IPP: variants seen among roughly 807,000 people sequenced by gnomAD.
IPP encodes the protein actin-binding protein IPP.
In IPP, 41 loss-of-function variants were observed where a neutral mutation model predicts 64.1. That is an observed-to-expected ratio of 0.64 (90% CI 0.50 to 0.83). The LOEUF (loss-of-function observed/expected upper bound fraction) is 0.83. Among genes scored for constraint, IPP ranks in the 40% least tolerant of loss-of-function variants. IPP has a pLI of 0.00. For synonymous variants in IPP, 214 were observed against 235.2 expected (o/e 0.91, Z 0.83); for missense variants, 649 against 703.0 (o/e 0.92, Z 0.87).
Position 45,698,750 on chromosome 1 carries a change from A to C in IPP, c.*1216T>G. On this transcript the variant is annotated 3_prime_UTR_variant, in exon 9 of 9. Transcript: ENST00000396478. ...TTTTTTTTTTTTGAGACAGGTTCTC[A>C]TGCTGTCACCCAGGCCGGTGTGCAG... The C allele has an allele frequency of 2.6e-6, 2 of 759,888 alleles. No homozygotes were observed. The allele number at this position is 759,888 out of a possible 1,614,324, so 47.1% of individuals were successfully genotyped here. A position where few individuals can be genotyped will look rare whatever the true frequency, so the allele number is the denominator to read the frequency against.
chr1:45,714,536 T>C, intron 7 of IPP, 70 bp from the exon 8 acceptor site: 1 of 887,756 alleles, frequency 1.1e-6, no homozygotes. Flanking sequence ...AAGTAATGAT[T>C]GTGATCTATG....
intron 1 of IPP, among the ~76,000 whole-genome samples, chr1:45,749,381 G>C (rs1403511806): frequency 1.3e-5 from 2 of 152,160 alleles, no homozygotes; most frequent in Non-Finnish European, 2.9e-5. Flanking sequence ...CTGTGACGTT[G>C]CATGCCTCAC....
At chr1:45,711,753 C>CAA (rs751563608) in intron 8 of IPP, among the ~76,000 whole-genome samples, 10 of 53,466 alleles carry the variant, frequency 1.9e-4, no homozygotes, top group Non-Finnish European at 2.3e-4. Flanking sequence ...GACTCTGTCA[C>CAA]AAAAAAAAAA....
intron 5 of IPP, among the ~76,000 whole-genome samples, chr1:45,724,276 A>C (rs1645775187): frequency 6.6e-6 from 1 of 151,646 alleles, no homozygotes; most frequent in Non-Finnish European, 1.5e-5. Context: ...AGTCTCGTTC[A>C]CTCAGTGCTC....
chr1:45,720,263 T>C (rs755957825), intron 5 of IPP, among the ~76,000 whole-genome samples: 6 of 152,134 alleles, frequency 3.9e-5, no homozygotes, highest in Non-Finnish European at 8.8e-5. Context: ...TAAAATAAGA[T>C]ATTTAGGAGT....
At chr1:45,744,529 C>T (rs1199628302) in intron 2 of IPP, among the ~76,000 whole-genome samples, 1 of 152,052 alleles carries the variant, frequency 6.6e-6, no homozygotes, top group Non-Finnish European at 1.5e-5. Flanking sequence ...ACAAGCCACA[C>T]ACCCAGCTAA....
rs1387870869 is a variant in IPP at position 45,714,320 on chromosome 1, A to G, written c.1456T>C (p.Cys486Arg). 6 of 1,614,068 alleles carry G rather than the reference A, an allele frequency of 3.7e-6. No homozygotes were observed. In the South Asian group the frequency reaches 6.6e-5, roughly 18 times the overall value. ...AYLGVAALND[C>R]IYSVGGWNET... ...TTCCATCCTCCAACAGAATAGATGC[A>G]GTCATTGAGTGCAGCCACACCAAGA... Residue 486 changes from cysteine to arginine, a missense_variant, in exon 8 of 9, where the codon TGC becomes CGC. Physicochemically the swap from Cys to Arg is radical, Grantham distance 180. Coordinates refer to ENST00000396478, the MANE Select transcript of IPP (RefSeq NM_005897.3).
chr1:45,745,267 T>A (rs1315593965), intron 2 of IPP, among the ~76,000 whole-genome samples: 2 of 152,164 alleles, frequency 1.3e-5, no homozygotes, highest in African/African-American at 4.8e-5. Flanking sequence ...AAATAACATA[T>A]GCTGATTATA....
Position 45,716,950 on chromosome 1 carries a change from T to G in IPP, c.1254A>C (p.Glu418Asp). The change falls in exon 7 of 9, where the codon GAA (glutamate) becomes GAC (aspartate). Residue 418 changes from glutamate to aspartate, a missense_variant. Physicochemically the swap from Glu to Asp is conservative, Grantham distance 45 (BLOSUM62 2). Coordinates refer to ENST00000396478, the MANE Select transcript of IPP (RefSeq NM_005897.3). The stretch of plus-strand genomic sequence containing the variant: ...GTGACACAGCCATGTTACCAACTAC[T>G]TCCCATTTATTTTCATCAGGATCAA... ...ERFDPDENKW[E>D]VVGNMAVSRY... 6 of 1,612,988 alleles carry G rather than the reference T, an allele frequency of 3.7e-6. No homozygotes were observed. The highest frequency in any genetic ancestry group is 1.3e-5 in the African/African-American group (1 of 75,018).
At position 45,699,218 on chromosome 1, in the gene IPP, A is replaced by G. The variant is rs1489606511; in HGVS notation, c.*748T>C. The G allele has an allele frequency of 1.0e-6, 1 of 985,226 alleles. No individual in the cohort carries two copies. Among genetic ancestry groups the G allele is most frequent in the Non-Finnish European group, 1.2e-6 (1 of 829,874 alleles). 61.0% of individuals were successfully genotyped at this position (985,226 alleles called of 1,614,324 possible). A position where few individuals can be genotyped will look rare whatever the true frequency, so the allele number is the denominator to read the frequency against. On this transcript the variant is annotated 3_prime_UTR_variant, in exon 9 of 9. Transcript: ENST00000396478. ...TATTAAAATAGCTAGATATTTCCCA[A>G]ACACCCCTCCTAGGATATCTGCTGC...
intron 3 of IPP, among the ~76,000 whole-genome samples, chr1:45,733,432 CATAA>C (rs376977849): frequency 5.6e-4 from 81 of 145,658 alleles, no homozygotes; most frequent in African/African-American, 6.6e-4. Context: ...CTCAAAAAAA[CATAA>C]ATAAATAAAT....
intron 8 of IPP, among the ~76,000 whole-genome samples, chr1:45,713,503 T>C (rs1645618195): frequency 6.6e-6 from 1 of 151,500 alleles, no homozygotes; most frequent in Non-Finnish European, 1.5e-5. Flanking sequence ...GAGGTTGTGG[T>C]GAGGTGAGAT....
Position 45,700,128 on chromosome 1 carries a change from G to A in IPP, c.1593C>T (p.Val531=), listed in dbSNP as rs145241981. 8.6e-5 allele frequency: 139 copies of A among 1,613,642 alleles called. No homozygotes were observed. The highest frequency in any genetic ancestry group is 1.0e-4 in the Non-Finnish European group (120 of 1,180,002). The change falls in exon 9 of 9, where the codon GTC becomes GTT. Residue 531 remains valine, a synonymous_variant. Transcript: ENST00000396478. ...CTCCAGAAACATACAGAAGACCATT[G>A]ACTGCCACAACACACATGCCTGCTC... is the stretch of plus-strand genomic sequence containing the variant. The part of the protein sequence containing the change: ...VPRAGMCVVA[V]NGLLYVSGGR...
At chr1:45,706,342 G>A (rs941951801) in intron 8 of IPP, among the ~76,000 whole-genome samples, 2 of 152,150 alleles carry the variant, frequency 1.3e-5, no homozygotes, top group Admixed American at 6.5e-5. Context: ...GCATGTATCT[G>A]TAGTCCCAGC....
chr1:45,721,075 T>C (rs1468898347), intron 5 of IPP, among the ~76,000 whole-genome samples: 3 of 152,232 alleles, frequency 2.0e-5, no homozygotes, highest in Non-Finnish European at 2.9e-5. Context: ...AAGATACTTA[T>C]AGCACATATG....
intron 2 of IPP, among the ~76,000 whole-genome samples, chr1:45,745,802 T>A (rs1022478090): frequency 3.3e-5 from 5 of 151,778 alleles, no homozygotes; most frequent in Non-Finnish European, 5.9e-5. Flanking sequence ...GAGGCAGAGG[T>A]TGCCATGAGC....
chr1:45,744,454 G>A (rs1281658314), intron 2 of IPP, among the ~76,000 whole-genome samples: 1 of 152,010 alleles, frequency 6.6e-6, no homozygotes, highest in Non-Finnish European at 1.5e-5. Context: ...CTTGATCATA[G>A]CTCACTGCAG....
chr1:45,724,168 G>C (rs1474990116), intron 5 of IPP, among the ~76,000 whole-genome samples: 2 of 152,074 alleles, frequency 1.3e-5, no homozygotes, highest in South Asian at 2.1e-4. Flanking sequence ...TTTTTTGGTG[G>C]AGACGGGGTT....
intron 4 of IPP, among the ~76,000 whole-genome samples, chr1:45,728,126 C>CTCTGTGTG (rs1645856503): frequency 7.6e-6 from 1 of 132,234 alleles, no homozygotes; most frequent in Admixed American, 7.8e-5. Context: ...GAGTTGAAAG[C>CTCTGTGTG]TGTGTGTGTG....
Sources: gnomAD v4.1 joint callset for allele counts (sites outside exome capture counted in the v4.1 genomes callset) on GRCh38, gnomAD v4.1.1 for gene constraint, MANE v1.5 for transcripts, NCBI Gene and HGNC (gene_info 2026-07-23, HGNC 2026-07-21) for gene names.